Variants in FHAD1 observed in about 807,000 individuals in gnomAD.
The protein encoded by FHAD1 is forkhead-associated domain-containing protein 1.
Under a neutral mutation model 191.3 loss-of-function variants are expected in FHAD1, and 146 were observed. The observed-to-expected ratio is 0.76, with a 90% confidence interval of 0.67 to 0.88. The LOEUF (loss-of-function observed/expected upper bound fraction) is 0.88. FHAD1 is among the 40% of genes least tolerant of loss of function. The pLI is 0.00. For synonymous variants in FHAD1, 616 were observed against 672.3 expected (o/e 0.92, Z 1.29); for missense variants, 1,635 against 1,785.8 (o/e 0.92, Z 1.52).
chr1:15,259,205 A>G lies in FHAD1; in HGVS notation c.93+7328A>G, dbSNP rs146353680. Among the ~76,000 whole-genome samples the G allele has an allele frequency of 3.9e-3, 600 of 152,282 alleles. 16 individuals carry two copies. The South Asian group carries it at 0.078, about 20-fold the overall frequency. ...TTCTTTTGACTAGCACAGATAATAC[A>G]AACGGCCACACCCCCATGTATAGAC... On this transcript the variant is annotated intron_variant, in intron 2 of 33. Transcript: ENST00000688493.
intron 2 of FHAD1, among the ~76,000 whole-genome samples, chr1:15,252,715 G>A (rs955092260): frequency 4.6e-5 from 7 of 152,208 alleles, no homozygotes; most frequent in South Asian, 2.1e-4. Context: ...TGGGACTGCC[G>A]TGGGCCCCTC....
intron 21 of FHAD1, among the ~76,000 whole-genome samples, chr1:15,359,831 T>A (rs374787438): frequency 2.0e-5 from 3 of 152,112 alleles, no homozygotes; most frequent in East Asian, 3.9e-4. Flanking sequence ...GCGCCTGTAG[T>A]CCCAGCTACT....
rs966176957 is a variant in FHAD1 at position 15,313,088 on chromosome 1, A to G, written c.1071A>G (p.Leu357=). Residue 357 remains leucine (L), a synonymous_variant, in exon 8 of 34, where the codon TTA becomes TTG. Coordinates refer to ENST00000688493, the MANE Select transcript of FHAD1 (RefSeq NM_001391957.1). ...TGTCATCTTTGCAAAAAGACATATT[A>G]GCAAAGGATGAGCAAGTTCAACAAC... ...GMVSSLQKDI[L]AKDEQVQQLK... is the part of the protein sequence containing the mutation. The G allele has an allele frequency of 6.4e-7, 1 of 1,551,746 alleles. No homozygotes were observed. Among genetic ancestry groups the G allele is most frequent in the African/African-American group, 1.4e-5 (1 of 73,162 alleles).
At chr1:15,277,382 C>T (rs1439302271) in intron 3 of FHAD1, among the ~76,000 whole-genome samples, 3 of 152,198 alleles carry the variant, frequency 2.0e-5, no homozygotes, top group African/African-American at 7.2e-5. Context: ...CTTTCTGAGC[C>T]TCAGTTTCCA....
At chr1:15,382,670 C>T (rs1424796030) in intron 31 of FHAD1, among the ~76,000 whole-genome samples, 1 of 152,190 alleles carries the variant, frequency 6.6e-6, no homozygotes, top group Non-Finnish European at 1.5e-5. Context: ...CCTTGAAGAA[C>T]ATATCCCTTA....
At chr1:15,389,605 T>C (rs111623389) in intron 32 of FHAD1, among the ~76,000 whole-genome samples, 61 of 152,050 alleles carry the variant, frequency 4.0e-4, no homozygotes, top group South Asian at 4.2e-4. Flanking sequence ...CCAGGCCTTC[T>C]AGAGGGCAAC....
chr1:15,388,210 G>A, intron 32 of FHAD1, 79 bp downstream of exon 32: 3 of 871,216 alleles, frequency 3.4e-6, no homozygotes, highest in Non-Finnish European at 4.9e-6. Flanking sequence ...GCATGCAAAT[G>A]CCTGCACGCG....
chr1:15,329,267 A>G lies in FHAD1; in HGVS notation c.1711-79A>G. 8.2e-7 allele frequency: 1 copy of G among 1,223,050 alleles called. No individual in the cohort carries two copies. Among genetic ancestry groups the G allele is most frequent in the Non-Finnish European group, 1.1e-6 (1 of 895,176 alleles). The allele number at this position is 1,223,050 out of a possible 1,614,324, so 75.8% of individuals were successfully genotyped here. A position where few individuals can be genotyped will look rare whatever the true frequency, so the allele number is the denominator to read the frequency against. On this transcript the variant is annotated intron_variant, in intron 13 of 33. Transcript: ENST00000688493. This position sits in a 1 kb window ranked among gnomAD's most constrained non-coding sequence, Gnocchi z 5.0. ...TGCCTGCTTCGTGGCAGAGTCAAGAACGCTGTTCCTCGAAGGTCACGTCAG... is the reference window on the plus strand; with the variant it reads ...TGCCTGCTTCGTGGCAGAGTCAAGAGCGCTGTTCCTCGAAGGTCACGTCAG...
At chr1:15,270,649 T>C (rs1252159201) in intron 2 of FHAD1, among the ~76,000 whole-genome samples, 5 of 152,202 alleles carry the variant, frequency 3.3e-5, no homozygotes, top group Non-Finnish European at 5.9e-5. Context: ...CAAGTACTTT[T>C]ATATAAAAGC....
rs911393060 is a variant in FHAD1 at position 15,337,766 on chromosome 1, T to TA, written c.1907-1704dup. On this transcript the variant is annotated intron_variant, in intron 14 of 33. Coordinates refer to ENST00000688493, the MANE Select transcript of FHAD1 (RefSeq NM_001391957.1). ...CGAATGCAGCCCAGCTATTTTTCTT[T>TA]AAAAAAAAAAACAACGCTCTTCATC... 4.2e-3 allele frequency among the ~76,000 whole-genome samples: 620 copies of TA among 146,602 alleles called. 9 individuals are homozygous for TA. Among genetic ancestry groups the TA allele is most frequent in the Middle Eastern group, 0.011 (3 of 284 alleles).
chr1:15,357,625 C>CAAAA (rs71000395), intron 20 of FHAD1, among the ~76,000 whole-genome samples: 1 of 76,110 alleles, frequency 1.3e-5, no homozygotes, highest in Non-Finnish European at 2.6e-5. Flanking sequence ...TCCTCCGTCT[C>CAAAA]AAAAAAAAAA....
intron 2 of FHAD1, among the ~76,000 whole-genome samples, chr1:15,265,899 AGGCGGAGG>A: frequency 1.4e-5 from 2 of 139,206 alleles, no homozygotes; most frequent in Middle Eastern, 7.7e-3. Context: ...TGAACCTGGG[AGGCGGAGG>A]TTGCAGTGAG....
chr1:15,328,033 C>CAA lies in FHAD1; in HGVS notation c.1558-231_1558-230dup, dbSNP rs35961851. ...GGGCAACAAGAGTGAAACTCCGTCG[C>CAA]AAAAAAAAAAAAAAGAAAAGAAAAA... On this transcript the variant is annotated intron_variant, in intron 12 of 33. Transcript: ENST00000688493. The CAA allele has an allele frequency of 3.8e-3, 458 of 119,774 alleles. 4 individuals are homozygous for CAA. Among genetic ancestry groups the CAA allele is most frequent in the East Asian group, 0.025 (177 of 7,082 alleles). The allele number at this position is 119,774 out of a possible 1,614,324, so 7.4% of individuals were successfully genotyped here. A position where few individuals can be genotyped will look rare whatever the true frequency, so the allele number is the denominator to read the frequency against.
Position 15,328,372 on chromosome 1 carries a change from GC to G in FHAD1, c.1654del (p.Gln552ArgfsTer11). 6.7e-7 allele frequency: 1 copy of G among 1,482,696 alleles called. No homozygotes were observed. The highest frequency in any genetic ancestry group is 9.0e-7 in the Non-Finnish European group (1 of 1,110,190). The allele number at this position is 1,482,696 out of a possible 1,614,324, so 91.8% of individuals were successfully genotyped here. ...QKETQLSNSK[Q>X]EETTENIEKL... ...AAGAGACCCAGCTGAGCAACTCCAA[GC>G]AGGAGGAGACCACCGAGAACATCGA... On this transcript the variant is annotated frameshift_variant, in exon 13 of 34. Transcript: ENST00000688493. LOFTEE classifies it high-confidence loss of function.
intron 2 of FHAD1, among the ~76,000 whole-genome samples, chr1:15,258,044 A>G (rs900198230): frequency 6.6e-6 from 1 of 152,026 alleles, no homozygotes; most frequent in African/African-American, 2.4e-5. Context: ...GTTTCGCCAC[A>G]TTGGCCAGGC....
intron 18 of FHAD1, 60 bp from the exon 19 acceptor site, chr1:15,348,982 T>G: frequency 1.0e-6 from 1 of 964,212 alleles, no homozygotes; most frequent in Non-Finnish European, 1.6e-6. Context: ...TCATTATCAT[T>G]ACTAGCAATT....
chr1:15,313,301 T>C, intron 8 of FHAD1, 114 bp downstream of exon 8: 1 of 723,336 alleles, frequency 1.4e-6, no homozygotes, highest in African/African-American at 2.0e-5. Flanking sequence ...ATTTCATTCC[T>C]TCCTCTCACA....
chr1:15,361,902 G>A (rs539139546), intron 22 of FHAD1, among the ~76,000 whole-genome samples: 3 of 152,214 alleles, frequency 2.0e-5, no homozygotes. Context: ...TACTCGGGAG[G>A]CTGAGACAGG....
Position 15,316,673 on chromosome 1 carries a change from C to G in FHAD1, c.1260+206C>G, listed in dbSNP as rs1674558148. On this transcript the variant is annotated intron_variant, in intron 9 of 33. Coordinates refer to ENST00000688493, the MANE Select transcript of FHAD1 (RefSeq NM_001391957.1). The surrounding 1 kb of genome is among the most constrained non-coding windows in gnomAD (Gnocchi z 4.3). ...GCCCCAGGATTCCCTGGGCAGTTGG[C>G]TCTAGCTCCCTCAAGGGTTTCCCCT... Among the ~76,000 whole-genome samples the G allele has an allele frequency of 6.6e-6, 1 of 152,166 alleles. No individual in the cohort carries two copies. The highest frequency in any genetic ancestry group is 2.4e-5 in the African/African-American group (1 of 41,440).
Sources: gnomAD v4.1 joint callset for allele counts (sites outside exome capture counted in the v4.1 genomes callset) on GRCh38, gnomAD v4.1.1 for gene constraint, Gnocchi (gnomAD v3.1) non-coding constraint, MANE v1.5 for transcripts, NCBI Gene and HGNC (gene_info 2026-07-23, HGNC 2026-07-21) for gene names.